The following SDK1 variants were observed in gnomAD, a reference collection of about 807,000 sequenced individuals.
SDK1 encodes protein sidekick-1.
In SDK1, 157 loss-of-function variants were observed where a neutral mutation model predicts 245.5. That is an observed-to-expected ratio of 0.64 (90% confidence interval 0.56 to 0.73). The LOEUF is 0.73. SDK1 is among the 30% of genes least tolerant of loss of function. The pLI is 0.00. For synonymous variants in SDK1, 1,647 were observed against 1,278.5 expected (o/e 1.29, Z -6.15); for missense variants, 3,583 against 3,002.3 (o/e 1.19, Z -4.52).
intron 15 of SDK1, among the ~76,000 whole-genome samples, chr7:4,011,509 A>C (rs1323681767): frequency 6.6e-6 from 1 of 152,178 alleles, no homozygotes; most frequent in Non-Finnish European, 1.5e-5. Flanking sequence ...TGTTAAGGGA[A>C]GCTGTCTCTG....
chr7:3,462,338 G>T (rs2128595264), intron 1 of SDK1, among the ~76,000 whole-genome samples: 1 of 152,002 alleles, frequency 6.6e-6, no homozygotes, highest in Non-Finnish European at 1.5e-5. Context: ...CTTCCCCCCT[G>T]CCCCGCCGAG....
intron 35 of SDK1, among the ~76,000 whole-genome samples, chr7:4,183,045 G>A (rs1010846060): frequency 8.5e-5 from 13 of 152,160 alleles, no homozygotes; most frequent in South Asian, 2.1e-4. Context: ...TTTGGTGGGC[G>A]TGGGGGCTAG....
At chr7:3,886,791 C>G (rs922257722) in intron 5 of SDK1, among the ~76,000 whole-genome samples, 11 of 152,172 alleles carry the variant, frequency 7.2e-5, no homozygotes, top group African/African-American at 2.7e-4. Flanking sequence ...TGGTATGATC[C>G]TGTAGTCTCA....
At chr7:3,338,418 T>A (rs1780259397) in intron 1 of SDK1, 1 of 527,680 alleles carries the variant, frequency 1.9e-6, no homozygotes, top group Non-Finnish European at 3.6e-6. Flanking sequence ...TAAGCACTCT[T>A]AAGAGCCAAG....
At chr7:3,931,189 A>G (rs960975140) in intron 5 of SDK1, among the ~76,000 whole-genome samples, 5 of 152,176 alleles carry the variant, frequency 3.3e-5, no homozygotes, top group African/African-American at 2.4e-5. Context: ...ACCCATTTTA[A>G]TTTTTTCATG....
intron 21 of SDK1, among the ~76,000 whole-genome samples, chr7:4,079,002 C>T (rs1226190336): frequency 6.6e-6 from 1 of 152,210 alleles, no homozygotes; most frequent in Non-Finnish European, 1.5e-5. Context: ...GTCACGCCGC[C>T]TGGGAGCAAC....
intron 1 of SDK1, among the ~76,000 whole-genome samples, chr7:3,427,770 A>G (rs1034534680): frequency 3.3e-5 from 5 of 151,984 alleles, no homozygotes; most frequent in Admixed American, 6.6e-5. Flanking sequence ...GGACGTCTTT[A>G]TTCTTTTGCT....
At chr7:3,629,811 A>C (rs1279023138) in intron 2 of SDK1, among the ~76,000 whole-genome samples, 1 of 152,244 alleles carries the variant, frequency 6.6e-6, no homozygotes, top group Non-Finnish European at 1.5e-5. Flanking sequence ...GCAGGAAAGC[A>C]TGACCCATAA....
rs1474365392 is a variant in SDK1, at chr7:4,268,201, G to A, written c.*2817G>A. On this transcript the variant is annotated 3_prime_UTR_variant, in exon 45 of 45. Coordinates refer to ENST00000404826, the MANE Select transcript of SDK1 (RefSeq NM_152744.4). ...CCCACCCCCAACGTGGCTCATTTCA[G>A]ATTGCTTCGGCCCCACCCTGCAAGG... The A allele has an allele frequency of 3.0e-6, 3 of 987,462 alleles. No individual in the cohort carries two copies. Among genetic ancestry groups the A allele is most frequent in the Non-Finnish European group, 3.6e-6 (3 of 831,344 alleles). The allele number at this position is 987,462 out of a possible 1,614,324, so 61.2% of individuals were successfully genotyped here. A position where few individuals can be genotyped will look rare whatever the true frequency, so the allele number is the denominator to read the frequency against.
chr7:4,068,433 A>C (rs1174669247), intron 20 of SDK1, among the ~76,000 whole-genome samples: 1 of 152,064 alleles, frequency 6.6e-6, no homozygotes, highest in Non-Finnish European at 1.5e-5. Flanking sequence ...TGGTGTGACT[A>C]TGAGGCTTAC....
chr7:4,195,382 G>C (rs1477305763), intron 35 of SDK1, among the ~76,000 whole-genome samples: 2 of 152,110 alleles, frequency 1.3e-5, no homozygotes, highest in African/African-American at 4.8e-5. Context: ...CTCTGCCCTG[G>C]CTGCTGCAGC....
At chr7:3,840,571 A>C (rs1351732971) in intron 5 of SDK1, among the ~76,000 whole-genome samples, 6 of 152,208 alleles carry the variant, frequency 3.9e-5, no homozygotes, top group Non-Finnish European at 7.3e-5. Context: ...CCTGAATCAA[A>C]TCCTGCATCT....
chr7:4,007,778 G>T (rs1396899072), intron 14 of SDK1, among the ~76,000 whole-genome samples: 1 of 151,348 alleles, frequency 6.6e-6, no homozygotes, highest in Non-Finnish European at 1.5e-5. Flanking sequence ...TAATTTTTTT[G>T]TATTTTTAGT....
At chr7:3,634,470 A>G (rs1337863095) in intron 2 of SDK1, among the ~76,000 whole-genome samples, 2 of 152,202 alleles carry the variant, frequency 1.3e-5, no homozygotes, top group East Asian at 3.8e-4. Context: ...CTGGTCCTGG[A>G]AAACACTGTG....
At chr7:3,566,109 T>C (rs1318259607) in intron 1 of SDK1, among the ~76,000 whole-genome samples, 1 of 152,102 alleles carries the variant, frequency 6.6e-6, no homozygotes, top group African/African-American at 2.4e-5. Flanking sequence ...TCTGAGTAAA[T>C]AGAGTTTTTA....
intron 1 of SDK1, among the ~76,000 whole-genome samples, chr7:3,439,459 T>C (rs1018174373): frequency 2.0e-5 from 3 of 152,132 alleles, no homozygotes; most frequent in Non-Finnish European, 4.4e-5. Context: ...TCGGGTTTGG[T>C]CAACCTTTCC....
At chr7:3,726,775 G>A (rs1779020405) in intron 4 of SDK1, among the ~76,000 whole-genome samples, 1 of 152,054 alleles carries the variant, frequency 6.6e-6, no homozygotes. Context: ...CCTGCAGAAG[G>A]GTGTCCAAAC....
At chr7:4,087,660 C>T (rs1272111094) in intron 22 of SDK1, among the ~76,000 whole-genome samples, 1 of 152,212 alleles carries the variant, frequency 6.6e-6, no homozygotes, top group South Asian at 2.1e-4. Context: ...ATCCTGCCTT[C>T]ACCTGCTCTC....
intron 22 of SDK1, among the ~76,000 whole-genome samples, chr7:4,109,233 G>C (rs1562822650): frequency 6.6e-6 from 1 of 152,162 alleles, no homozygotes; most frequent in Non-Finnish European, 1.5e-5. Context: ...TTTTGGAGGA[G>C]CCACTGACCA....
Sources: allele counts gnomAD v4.1 joint callset (sites outside exome capture counted in the v4.1 genomes callset), GRCh38; gene constraint gnomAD v4.1.1; transcripts MANE v1.5; gene names NCBI Gene and HGNC (gene_info 2026-07-23, HGNC 2026-07-21).